MACF1: variants seen among roughly 807,000 people sequenced by gnomAD.
MACF1 encodes microtubule-actin cross-linking factor 1.
A neutral mutation model predicts 854.8 loss-of-function variants in MACF1; 193 were observed. That is an observed-to-expected ratio of 0.23 (90% CI 0.20 to 0.25). The LOEUF is 0.25. Among genes scored for constraint, MACF1 ranks in the 10% least tolerant of loss-of-function variants. MACF1 has a pLI of 1.00. For synonymous variants in MACF1, 3,185 were observed against 3,226.7 expected, an observed-to-expected ratio of 0.99 and a Z score of 0.44; for missense variants, 7,722 against 8,929.1, an observed-to-expected ratio of 0.86 and a Z score of 5.45.
chr1:39,263,755 A>C (rs981155842), intron 6 of MACF1, among the ~76,000 whole-genome samples: 8 of 130,910 alleles, frequency 6.1e-5, no homozygotes, highest in African/African-American at 2.0e-4. Flanking sequence ...CCTTTCTTTC[A>C]TCTTTTTTCT....
At chr1:39,363,672 C>T (rs905085517) in intron 49 of MACF1, among the ~76,000 whole-genome samples, 4 of 150,508 alleles carry the variant, frequency 2.7e-5, no homozygotes, top group African/African-American at 7.4e-5. Context: ...TGCAGTGGCA[C>T]GATCTTGGCT....
intron 11 of MACF1, 118 bp from the exon 12 acceptor site, chr1:39,284,965 A>G (rs1645616223): frequency 1.5e-6 from 2 of 1,339,064 alleles, no homozygotes; most frequent in Non-Finnish European, 2.1e-6. Flanking sequence ...ATGTTAGACA[A>G]TAGGAAAAAC....
intron 49 of MACF1, among the ~76,000 whole-genome samples, chr1:39,362,019 A>T (rs1648226688): frequency 6.6e-6 from 1 of 152,206 alleles, no homozygotes; most frequent in African/African-American, 2.4e-5. Context: ...ATATTTATTT[A>T]CATTTTATTA....
At position 39,350,778 on chromosome 1, in the gene MACF1, T is replaced by G. The variant is rs1460030406; in HGVS notation, c.10966-7T>G. On this transcript the variant is annotated splice_region_variant and splice_polypyrimidine_tract_variant and intron_variant, in intron 42 of 100. Transcript: ENST00000564288. ...AGGCTCTGCCATTCCTATTTTCTTGTGTTAAGGATTTACAGGATGACATTC... is the reference window on the plus strand; with the variant it reads ...AGGCTCTGCCATTCCTATTTTCTTGGGTTAAGGATTTACAGGATGACATTC... The G allele has an allele frequency of 1.9e-6, 3 of 1,607,074 alleles. No individual in the cohort carries two copies. The highest frequency in any genetic ancestry group is 1.3e-5 in the African/African-American group (1 of 74,792).
At chr1:39,434,314 G>A in intron 68 of MACF1, 100 bp from the exon 69 acceptor site, 1 of 493,464 alleles carries the variant, frequency 2.0e-6, no homozygotes. Context: ...ATTTAGTTAT[G>A]TATTCTTTTA....
At chr1:39,164,257 A>C (rs1328831115) in intron 2 of MACF1, among the ~76,000 whole-genome samples, 7 of 152,192 alleles carry the variant, frequency 4.6e-5, no homozygotes, top group Non-Finnish European at 1.0e-4. Flanking sequence ...AAGTGGAATC[A>C]CTGGGTCTTA....
intron 40 of MACF1, among the ~76,000 whole-genome samples, chr1:39,344,225 C>T (rs1319495166): frequency 6.6e-6 from 1 of 151,856 alleles, no homozygotes; most frequent in African/African-American, 2.4e-5. Context: ...TTCAGGAGTT[C>T]AAGAGCAGCC....
intron 49 of MACF1, among the ~76,000 whole-genome samples, chr1:39,366,151 G>A (rs575384776): frequency 4.6e-5 from 7 of 152,216 alleles, no homozygotes; most frequent in African/African-American, 1.7e-4. Flanking sequence ...TTTTCTATGT[G>A]AATTTAGGAA....
chr1:39,268,933 G>A (rs1230398035), intron 6 of MACF1: 2 of 1,287,872 alleles, frequency 1.6e-6, no homozygotes, highest in East Asian at 5.6e-5. Flanking sequence ...GGAGTGGGAG[G>A]GGTAGAGCAT....
At chr1:39,354,074 C>T (rs581422) in intron 44 of MACF1, among the ~76,000 whole-genome samples, 6,079 of 152,240 alleles carry the variant, frequency 0.04, 326 homozygotes, top group African/African-American at 0.12. Flanking sequence ...GTTAACTCTC[C>T]TCTCAGCCCC....
At chr1:39,155,833 C>T (rs1643671819) in intron 2 of MACF1, among the ~76,000 whole-genome samples, 5 of 152,068 alleles carry the variant, frequency 3.3e-5, no homozygotes, top group Admixed American at 3.3e-4. Context: ...AATTCTCCTG[C>T]CTCAGCCTCC....
At chr1:39,267,801 A>C (rs1391234469) in intron 6 of MACF1, among the ~76,000 whole-genome samples, 6 of 152,194 alleles carry the variant, frequency 3.9e-5, no homozygotes, top group Non-Finnish European at 8.8e-5. Context: ...ACTGTACTCA[A>C]AACCAACTTC....
intron 2 of MACF1, among the ~76,000 whole-genome samples, chr1:39,167,764 T>C (rs1296668843): frequency 6.6e-6 from 1 of 151,756 alleles, no homozygotes; most frequent in Non-Finnish European, 1.5e-5. Context: ...ATCTCAGCTA[T>C]TCAGGAGGCT....
intron 2 of MACF1, among the ~76,000 whole-genome samples, chr1:39,196,298 A>G (rs931156320): frequency 6.6e-5 from 10 of 152,188 alleles, no homozygotes; most frequent in Non-Finnish European, 1.5e-4. Flanking sequence ...TCCTTACTTT[A>G]TTGTATTCAA....
At chr1:39,282,163 T>G (rs1466544845) in intron 6 of MACF1, 45 bp from the exon 7 acceptor site, 1 of 1,590,000 alleles carries the variant, frequency 6.3e-7, no homozygotes, top group Admixed American at 1.7e-5. Context: ...CTAAAAGACT[T>G]TGTCTTATTT....
chr1:39,438,055 T>G (rs1644018153), intron 71 of MACF1, 47 bp downstream of exon 71: 2 of 1,540,586 alleles, frequency 1.3e-6, no homozygotes, highest in Non-Finnish European at 1.8e-6. Context: ...GAATAAATTC[T>G]AGGCTGTGGT....
chr1:39,355,127 A>G (rs1647418318), intron 44 of MACF1, among the ~76,000 whole-genome samples: 1 of 152,234 alleles, frequency 6.6e-6, no homozygotes, highest in Non-Finnish European at 1.5e-5. Context: ...GACCATTGTC[A>G]TATTTTATAT....
chr1:39,443,016 T>G, intron 78 of MACF1, 105 bp downstream of exon 78: 1 of 1,124,994 alleles, frequency 8.9e-7, no homozygotes. Context: ...ATCCCTTATG[T>G]CTTGAGGGGA....
chr1:39,136,532 G>A (rs1643173612), intron 2 of MACF1, among the ~76,000 whole-genome samples: 1 of 152,092 alleles, frequency 6.6e-6, no homozygotes, highest in Admixed American at 6.5e-5. Flanking sequence ...GTGGCATTAG[G>A]ATTTTTTGCC....
Sources: allele counts gnomAD v4.1 joint callset (sites outside exome capture counted in the v4.1 genomes callset), GRCh38; gene constraint gnomAD v4.1.1; transcripts MANE v1.5; gene names NCBI Gene and HGNC (gene_info 2026-07-23, HGNC 2026-07-21).